The following VPS53 variants were observed in gnomAD, a reference collection of about 807,000 sequenced individuals.
VPS53 encodes the protein VPS53 subunit of GARP complex, also known as vacuolar protein sorting-associated protein 53 homolog.
VPS53 carries 70 observed loss-of-function variants against 107.0 expected under a neutral mutation model. That is an observed-to-expected ratio of 0.65 (90% CI 0.54 to 0.80). The LOEUF (loss-of-function observed/expected upper bound fraction) is 0.80, where lower values mean the gene tolerates loss of function less well. Among genes scored for constraint, VPS53 ranks in the 30% least tolerant of loss-of-function variants. The pLI is 0.00. For missense variants in VPS53, 917 were observed against 1,049.4 expected (o/e 0.87, Z 1.74); for synonymous variants, 409 against 393.3 (o/e 1.04, Z -0.47).
At chr17:604,630 G>A (rs936086622) in intron 11 of VPS53, among the ~76,000 whole-genome samples, 1 of 152,174 alleles carries the variant, frequency 6.6e-6, no homozygotes, top group African/African-American at 2.4e-5. Flanking sequence ...TTTTTGTAGA[G>A]ATGGGATTTT....
In VPS53 at chr17:517,693, T is replaced by C. The variant is rs1908410349; in HGVS notation, c.*1435A>G. 3.1e-6 allele frequency: 1 copy of C among 327,288 alleles called. No individual in the cohort carries two copies. The highest frequency in any genetic ancestry group is 1.6e-4 in the South Asian group (1 of 6,286). The allele number at this position is 327,288 out of a possible 1,614,324, so 20.3% of individuals were successfully genotyped here. A position where few individuals can be genotyped will look rare whatever the true frequency, so the allele number is the denominator to read the frequency against. ...CGCCATGACACCCGGCTAATTTTTT[T>C]TATTTTTAGTTGAGACAGGGTTTCG... On this transcript the variant is annotated 3_prime_UTR_variant, in exon 22 of 22. Coordinates refer to ENST00000437048, the MANE Select transcript of VPS53 (RefSeq NM_001128159.3).
At chr17:565,330 G>A (rs1401902251) in intron 13 of VPS53, among the ~76,000 whole-genome samples, 1 of 150,108 alleles carries the variant, frequency 6.7e-6, no homozygotes. Flanking sequence ...TTGAACCTGG[G>A]AGGCGGAAGT....
At position 537,089 on chromosome 17, in the gene VPS53, T is replaced by C; in HGVS notation, c.1954A>G (p.Ile652Val). The C allele has an allele frequency of 6.2e-7, 1 of 1,614,154 alleles. No individual in the cohort carries two copies. The highest frequency in any genetic ancestry group is 8.5e-7 in the Non-Finnish European group (1 of 1,180,052). Residue 652 changes from isoleucine to valine, a missense_variant, in exon 18 of 22, where the codon ATC becomes GTC. Coordinates refer to ENST00000437048, the MANE Select transcript of VPS53 (RefSeq NM_001128159.3). ...ILHIKQNVPI[I>V]RDNLASTRKY... The stretch of plus-strand genomic sequence containing the variant: ...CGTGTGGAAGCCAGGTTGTCACGGA[T>C]GATGGGGACGTTCTGCTTGATGTGC...
chr17:693,767 G>A (rs915098525), intron 4 of VPS53, among the ~76,000 whole-genome samples: 14 of 151,816 alleles, frequency 9.2e-5, no homozygotes, highest in African/African-American at 2.4e-4. Flanking sequence ...GCGGCACATC[G>A]GTTCTGGTTA....
intron 2 of VPS53, among the ~76,000 whole-genome samples, chr17:699,652 A>C (rs912529650): frequency 6.6e-6 from 1 of 152,226 alleles, no homozygotes; most frequent in African/African-American, 2.4e-5. Context: ...TTAAGCTAAC[A>C]TGGCAGGTAG....
At chr17:610,768 A>AAT (rs1418768039) in intron 11 of VPS53, among the ~76,000 whole-genome samples, 1 of 150,632 alleles carries the variant, frequency 6.6e-6, no homozygotes, top group African/African-American at 2.4e-5. Context: ...AAAAAAAAAA[A>AAT]AAATACAAAA....
intron 1 of VPS53, 74 bp downstream of exon 1, chr17:714,549 G>T: frequency 7.1e-7 from 1 of 1,413,062 alleles, no homozygotes. Context: ...ACCCGCCGCG[G>T]CCTCCCCAGC....
intron 2 of VPS53, among the ~76,000 whole-genome samples, chr17:701,337 G>A (rs1157452194): frequency 1.3e-5 from 2 of 151,530 alleles, no homozygotes; most frequent in East Asian, 1.9e-4. Context: ...AAAGAAAAAC[G>A]AATCTCAGAA....
rs555401475 is a variant in VPS53 at position 585,752 on chromosome 17, C to T, written c.1313+518G>A. 7.2e-5 allele frequency among the ~76,000 whole-genome samples: 11 copies of T among 152,144 alleles called. No individual in the cohort carries two copies. In the South Asian group the frequency reaches 8.3e-4, roughly 11 times the overall value. On this transcript the variant is annotated intron_variant, in intron 13 of 21. Transcript: ENST00000437048. ...AATGCATGATTATTGGGTCCTGGAC[C>T]AGAAAAAGGGGCATTAATGGGACAG... is the stretch of plus-strand genomic sequence containing the variant.
At chr17:636,616 T>G (rs1475478245) in intron 7 of VPS53, among the ~76,000 whole-genome samples, 1 of 152,242 alleles carries the variant, frequency 6.6e-6, no homozygotes, top group African/African-American at 2.4e-5. Context: ...ATTGAGAGTT[T>G]TTAGCATGAA....
At chr17:632,664 T>G in intron 7 of VPS53, 1 of 455,452 alleles carries the variant, frequency 2.2e-6, no homozygotes, top group Non-Finnish European at 4.4e-6. Flanking sequence ...CCCGCCTCCC[T>G]GCTATGCCTC....
chr17:534,287 G>A (rs991059217), intron 18 of VPS53, among the ~76,000 whole-genome samples: 3 of 152,220 alleles, frequency 2.0e-5, no homozygotes, highest in African/African-American at 7.2e-5. Context: ...CAGTGGATGA[G>A]GGAAGTTGCT....
intron 15 of VPS53, 88 bp downstream of exon 15, chr17:560,338 G>A (rs1912818095): frequency 2.7e-6 from 4 of 1,488,204 alleles, no homozygotes; most frequent in Non-Finnish European, 3.6e-6. Context: ...CTGTGGCCAT[G>A]TTAGGACGTA....
At chr17:562,250 T>C (rs548341883) in intron 14 of VPS53, among the ~76,000 whole-genome samples, 2 of 152,198 alleles carry the variant, frequency 1.3e-5, no homozygotes, top group Admixed American at 1.3e-4. Flanking sequence ...AGGCATACAA[T>C]GGGATTGGTT....
chr17:536,906 T>G, intron 18 of VPS53, 122 bp downstream of exon 18: 14 of 1,245,012 alleles, frequency 1.1e-5, no homozygotes, highest in East Asian at 5.3e-5. Flanking sequence ...GTTGGGGGGG[T>G]CAGGTACACG....
At chr17:622,034 A>G (rs1344511538) in intron 11 of VPS53, among the ~76,000 whole-genome samples, 1 of 152,052 alleles carries the variant, frequency 6.6e-6, no homozygotes, top group Non-Finnish European at 1.5e-5. Context: ...CAACATGGTG[A>G]AACCCCGTCT....
chr17:680,914 T>C (rs1392190114), intron 4 of VPS53, among the ~76,000 whole-genome samples: 1 of 152,210 alleles, frequency 6.6e-6, no homozygotes, highest in Non-Finnish European at 1.5e-5. Flanking sequence ...AATCTCTTTA[T>C]ACCCTTGGAA....
At chr17:677,861 T>A (rs1972228933) in intron 4 of VPS53, among the ~76,000 whole-genome samples, 1 of 152,170 alleles carries the variant, frequency 6.6e-6, no homozygotes. Flanking sequence ...GGCTCACACC[T>A]GTAATCCCAA....
At chr17:656,740 GC>G in intron 5 of VPS53, 1 of 795,760 alleles carries the variant, frequency 1.3e-6, no homozygotes, top group South Asian at 1.4e-5. Flanking sequence ...GTTTTATCAT[GC>G]CACATTATTT....
Sources: allele counts gnomAD v4.1 joint callset (sites outside exome capture counted in the v4.1 genomes callset), GRCh38; gene constraint gnomAD v4.1.1; transcripts MANE v1.5; gene names NCBI Gene and HGNC (gene_info 2026-07-23, HGNC 2026-07-21).